Variants in ARB2A observed in about 807,000 individuals in gnomAD.
The protein encoded by ARB2A is cotranscriptional regulator ARB2A.
At chr5:93,885,911 A>C in the ARB2A span, among the ~76,000 whole-genome samples, 4 of 151,896 alleles carry the variant, frequency 2.6e-5, no homozygotes, top group Admixed American at 2.6e-4. Flanking sequence ...ATAATAAATC[A>C]TTTATCATTC....
At chr5:93,627,530 C>T in the ARB2A span, among the ~76,000 whole-genome samples, 1,179 of 151,220 alleles carry the variant, frequency 7.8e-3, 17 homozygotes, top group African/African-American at 0.027. Flanking sequence ...CTGCAACCTC[C>T]ACCTCCCAGG....
At chr5:94,075,302 T>G in the ARB2A span, among the ~76,000 whole-genome samples, 64 of 151,974 alleles carry the variant, frequency 4.2e-4, no homozygotes, top group African/African-American at 1.5e-3. Flanking sequence ...CAGGGAAAAA[T>G]TAGCCCTTTT....
chr5:93,721,850 T>C, the ARB2A span, among the ~76,000 whole-genome samples: 1 of 152,134 alleles, frequency 6.6e-6, no homozygotes, highest in African/African-American at 2.4e-5. Flanking sequence ...GATAAGAGCA[T>C]CTTATGACTT....
the ARB2A span, among the ~76,000 whole-genome samples, chr5:93,772,534 A>G: frequency 2.6e-5 from 4 of 152,186 alleles, no homozygotes; most frequent in Non-Finnish European, 4.4e-5. Flanking sequence ...GGAACAAATA[A>G]CCCCAAAATT....
chr5:94,047,159 G>A, the ARB2A span, among the ~76,000 whole-genome samples: 1 of 152,126 alleles, frequency 6.6e-6, no homozygotes, highest in Non-Finnish European at 1.5e-5. Flanking sequence ...ACTTAAAGCT[G>A]AGGAGTCCAC....
chr5:93,706,013 A>C, the ARB2A span, among the ~76,000 whole-genome samples: 1 of 152,196 alleles, frequency 6.6e-6, no homozygotes, highest in Non-Finnish European at 1.5e-5. Flanking sequence ...ACAGAAAATT[A>C]CTATATGACC....
the ARB2A span, among the ~76,000 whole-genome samples, chr5:93,957,891 C>T: frequency 6.6e-6 from 1 of 151,762 alleles, no homozygotes; most frequent in Non-Finnish European, 1.5e-5. Flanking sequence ...CACATATATT[C>T]CTTTACTTTT....
the ARB2A span, among the ~76,000 whole-genome samples, chr5:93,690,204 A>G: frequency 6.6e-5 from 10 of 152,020 alleles, no homozygotes; most frequent in Admixed American, 1.3e-4. Flanking sequence ...GTGAGACAAA[A>G]CCGTTCAATC....
the ARB2A span, among the ~76,000 whole-genome samples, chr5:93,917,688 G>T: frequency 7.2e-5 from 11 of 151,900 alleles, no homozygotes; most frequent in Non-Finnish European, 1.6e-4. Context: ...GACCAGCCTG[G>T]GAAACAAAAT....
the ARB2A span, among the ~76,000 whole-genome samples, chr5:93,844,907 C>T: frequency 4.6e-5 from 7 of 152,328 alleles, no homozygotes; most frequent in South Asian, 2.1e-4. Context: ...TGCCCATTCA[C>T]GCTTTGCTGC....
chr5:94,041,937 A>C, the ARB2A span, among the ~76,000 whole-genome samples: 25 of 151,526 alleles, frequency 1.6e-4, no homozygotes, highest in South Asian at 4.2e-4. Context: ...ATTTTTCACA[A>C]AAAAAAAATG....
the ARB2A span, among the ~76,000 whole-genome samples, chr5:94,067,999 G>T: frequency 6.6e-6 from 1 of 152,126 alleles, no homozygotes; most frequent in African/African-American, 2.4e-5. Context: ...AGGCACAGTG[G>T]CTCATGCCTG....
the ARB2A span, among the ~76,000 whole-genome samples, chr5:94,064,893 C>T: frequency 2.6e-4 from 40 of 151,972 alleles, no homozygotes; most frequent in African/African-American, 9.2e-4. Flanking sequence ...AAAGGCACAA[C>T]AGAATAAAAC....
chr5:93,691,850 A>C, the ARB2A span, among the ~76,000 whole-genome samples: 1 of 152,180 alleles, frequency 6.6e-6, no homozygotes, highest in Non-Finnish European at 1.5e-5. Flanking sequence ...TACAAGCCAG[A>C]AGACTGTGGG....
At chr5:93,713,151 G>A in the ARB2A span, among the ~76,000 whole-genome samples, 1 of 152,166 alleles carries the variant, frequency 6.6e-6, no homozygotes, top group Non-Finnish European at 1.5e-5. Flanking sequence ...ACAGGGAAAA[G>A]ATTTCTTGAG....
chr5:93,898,414 C>G, the ARB2A span, among the ~76,000 whole-genome samples: 2 of 151,972 alleles, frequency 1.3e-5, no homozygotes, highest in Non-Finnish European at 2.9e-5. Flanking sequence ...ATGCACCTTT[C>G]TTTCTGTATC....
chr5:93,711,889 G>C, the ARB2A span, among the ~76,000 whole-genome samples: 2 of 152,238 alleles, frequency 1.3e-5, no homozygotes, highest in African/African-American at 4.8e-5. Flanking sequence ...AAAAGCCCCG[G>C]CCCTGCTAGT....
chr5:93,901,801 CA>C, the ARB2A span, among the ~76,000 whole-genome samples: 1 of 152,088 alleles, frequency 6.6e-6, no homozygotes, highest in Non-Finnish European at 1.5e-5. Flanking sequence ...GCACATTTTA[CA>C]TTTCTATAAA....
the ARB2A span, among the ~76,000 whole-genome samples, chr5:93,783,987 T>G: frequency 6.6e-6 from 1 of 152,264 alleles, no homozygotes; most frequent in East Asian, 1.9e-4. Flanking sequence ...GACTGCCTTT[T>G]CAAGAAGAAA....
Sources: allele counts gnomAD v4.1 joint callset (sites outside exome capture counted in the v4.1 genomes callset), GRCh38; gene constraint gnomAD v4.1.1; transcripts MANE v1.5; gene names NCBI Gene and HGNC (gene_info 2026-07-23, HGNC 2026-07-21).